MPPED1: variants seen among roughly 807,000 people sequenced by gnomAD.
The protein encoded by MPPED1 is metallophosphoesterase domain containing 1.
In MPPED1, 16 loss-of-function variants were observed where a neutral mutation model predicts 36.2. The ratio of observed to expected loss-of-function variants is 0.44; its 90% CI spans 0.30 to 0.67. The LOEUF is 0.67. Ranked by LOEUF, MPPED1 falls within the 30% of genes least tolerant of loss-of-function variation. The pLI is 0.10. For missense variants in MPPED1, 307 were observed against 453.4 expected (o/e 0.68, Z 2.93); for synonymous variants, 199 against 191.3 (o/e 1.04, Z -0.33).
chr22:43,430,281 A>G (rs1428007504), intron 2 of MPPED1, among the ~76,000 whole-genome samples: 1 of 152,226 alleles, frequency 6.6e-6, no homozygotes, highest in Non-Finnish European at 1.5e-5. Flanking sequence ...GCACTTGCAC[A>G]GAACCAGTGG....
intron 4 of MPPED1, among the ~76,000 whole-genome samples, chr22:43,488,583 G>A (rs1242236778): frequency 6.6e-6 from 1 of 152,224 alleles, no homozygotes; most frequent in Non-Finnish European, 1.5e-5. Flanking sequence ...CTGTTAAGGG[G>A]TTAACCTCTG....
At position 43,506,601 on chromosome 22, in the gene MPPED1, G is replaced by A. The variant is rs970565303; in HGVS notation, c.*985G>A. 1 of 152,248 alleles carries A rather than the reference G, an allele frequency of 6.6e-6. No homozygotes were observed. The highest frequency in any genetic ancestry group is 6.5e-5 in the Admixed American group (1 of 15,290). The allele number at this position is 152,248 out of a possible 1,614,324, so 9.4% of individuals were successfully genotyped here. A position where few individuals can be genotyped will look rare whatever the true frequency, so the allele number is the denominator to read the frequency against. On this transcript the variant is annotated 3_prime_UTR_variant, in exon 7 of 7. Coordinates refer to ENST00000443721, the MANE Select transcript of MPPED1 (RefSeq NM_001044370.2). ...GCTTCCCTTGCACCGTTAGGATTCT[G>A]TCTGGCATGCCTGCAGCCGAGGAAG...
In MPPED1 at chr22:43,507,839, A is replaced by G. The variant is rs1449830612; in HGVS notation, c.*2223A>G. ...GCATGTCAGACAATAAAGTCTTTGT[A>G]AAAAGAGAAGTCCACGCGGCACCTC... On this transcript the variant is annotated 3_prime_UTR_variant, in exon 7 of 7. Transcript: ENST00000443721. The G allele has an allele frequency of 1.4e-5, 2 of 143,538 alleles. No homozygotes were observed. Among genetic ancestry groups the G allele is most frequent in the African/African-American group, 5.2e-5 (2 of 38,700 alleles). 8.9% of individuals were successfully genotyped at this position (143,538 alleles called of 1,614,324 possible).
chr22:43,448,813 A>T (rs1174375394), intron 3 of MPPED1, among the ~76,000 whole-genome samples: 2 of 151,868 alleles, frequency 1.3e-5, no homozygotes, highest in Non-Finnish European at 2.9e-5. Flanking sequence ...ATGTTGGCCA[A>T]GCTGGTCTCG....
chr22:43,495,308 GTGA>G (rs1348179442), intron 4 of MPPED1, among the ~76,000 whole-genome samples: 3 of 147,392 alleles, frequency 2.0e-5, no homozygotes, highest in South Asian at 2.2e-4. Context: ...GGTGATGGTG[GTGA>G]TGGTGGTGGT....
chr22:43,491,960 G>A (rs1403308645), intron 4 of MPPED1, among the ~76,000 whole-genome samples: 1 of 151,448 alleles, frequency 6.6e-6, no homozygotes, highest in Non-Finnish European at 1.5e-5. Context: ...CGGTGGTGAT[G>A]GAGGTGGTGG....
chr22:43,428,736 G>T (rs563961607), intron 2 of MPPED1, among the ~76,000 whole-genome samples: 1 of 152,188 alleles, frequency 6.6e-6, no homozygotes, highest in African/African-American at 2.4e-5. Context: ...TGACGAGGCC[G>T]CCTTTGCTTG....
At chr22:43,432,060 G>A (rs1929705864) in intron 2 of MPPED1, among the ~76,000 whole-genome samples, 1 of 152,204 alleles carries the variant, frequency 6.6e-6, no homozygotes, top group African/African-American at 2.4e-5. Context: ...CCTCTGCTAG[G>A]CGGGGCTCCC....
intron 2 of MPPED1, among the ~76,000 whole-genome samples, chr22:43,427,625 G>A (rs1465247759): frequency 6.6e-6 from 1 of 152,176 alleles, no homozygotes; most frequent in African/African-American, 2.4e-5. Context: ...CATTTGTTGA[G>A]TCATTCATTC....
At chr22:43,500,173 A>AGGTGGTGGTGGTGATGGGGGT (rs1224738200) in intron 5 of MPPED1, among the ~76,000 whole-genome samples, 1 of 21,540 alleles carries the variant, frequency 4.6e-5, no homozygotes, top group Admixed American at 5.0e-4. Context: ...ATGGTGATGG[A>AGGTGGTGGTGGTGATGGGGGT]GGTGGTGGTG....
intron 2 of MPPED1, among the ~76,000 whole-genome samples, chr22:43,431,081 G>A (rs1042770393): frequency 6.7e-5 from 8 of 119,868 alleles, no homozygotes; most frequent in East Asian, 2.6e-4. Context: ...TCACTCTGTC[G>A]CCCAGGCTGG....
At chr22:43,447,875 ATATATATAT>A (rs1414391862) in intron 3 of MPPED1, among the ~76,000 whole-genome samples, 1,705 of 40,092 alleles carry the variant, frequency 0.043, 65 homozygotes, top group African/African-American at 0.12. Context: ...ATATATATAT[ATATATATAT>A]TTTTTTTTTT....
chr22:43,475,553 ATGG>A (rs1287202138), intron 4 of MPPED1, among the ~76,000 whole-genome samples: 6 of 14,898 alleles, frequency 4.0e-4, no homozygotes, highest in East Asian at 3.4e-3. Flanking sequence ...TGTGATGGTG[ATGG>A]TGGTGATGAT....
At chr22:43,495,813 T>C (rs1932302151) in intron 4 of MPPED1, among the ~76,000 whole-genome samples, 1 of 56,198 alleles carries the variant, frequency 1.8e-5, no homozygotes, top group African/African-American at 1.1e-4. Flanking sequence ...GTGGTGGTGG[T>C]GGAGGTGGTG....
chr22:43,502,790 G>C lies in MPPED1; in HGVS notation c.862+33G>C. On this transcript the variant is annotated intron_variant, in intron 6 of 6. Transcript: ENST00000443721. The surrounding 1 kb of genome is among the most constrained non-coding windows in gnomAD (Gnocchi z 5.5). ...CGTAGCGGAGACAGGCACCTCACGG[G>C]CTAGGGGCTCCTAATGGACCCTCCA... is the stretch of plus-strand genomic sequence containing the variant. 4 of 1,582,674 alleles carry C rather than the reference G, an allele frequency of 2.5e-6. No individual in the cohort carries two copies. The highest frequency in any genetic ancestry group is 3.5e-6 in the Non-Finnish European group (4 of 1,152,244).
chr22:43,485,250 A>G (rs1031099081), intron 4 of MPPED1, among the ~76,000 whole-genome samples: 1 of 152,074 alleles, frequency 6.6e-6, no homozygotes, highest in Non-Finnish European at 1.5e-5. Flanking sequence ...TCATACACAC[A>G]TGCATTCACA....
At chr22:43,431,813 G>A (rs1368854006) in intron 2 of MPPED1, among the ~76,000 whole-genome samples, 2 of 152,248 alleles carry the variant, frequency 1.3e-5, no homozygotes. Flanking sequence ...TTGAGCATTT[G>A]TTGCAATCCA....
chr22:43,421,310 A>G (rs929581932), intron 1 of MPPED1, among the ~76,000 whole-genome samples: 1 of 152,344 alleles, frequency 6.6e-6, no homozygotes, highest in South Asian at 2.1e-4. Context: ...TTGCGTTTCC[A>G]GTTTCCCGGA....
At position 43,498,337 on chromosome 22, in the gene MPPED1, T is replaced by C. The variant is rs1932498945; in HGVS notation, c.735T>C (p.His245=). The C allele has an allele frequency of 3.9e-6, 6 of 1,534,332 alleles. No homozygotes were observed. The highest frequency in any genetic ancestry group is 2.0e-5 in the Admixed American group (1 of 50,940). The change falls in exon 5 of 7, where the codon CAT becomes CAC. Residue 245 remains histidine (H), a synonymous_variant. Coordinates refer to ENST00000443721, the MANE Select transcript of MPPED1 (RefSeq NM_001044370.2). ...AAGGCGTAGACATCCTGATAACCCATGGACCACCACTGGGTAAGGCTCTGC... is the reference window on the plus strand; with the variant it reads ...AAGGCGTAGACATCCTGATAACCCACGGACCACCACTGGGTAAGGCTCTGC... The part of the protein sequence containing the change: ...IPEGVDILIT[H]GPPLGFLDWV...
Sources: allele counts gnomAD v4.1 joint callset (sites outside exome capture counted in the v4.1 genomes callset), GRCh38; gene constraint gnomAD v4.1.1; non-coding constraint Gnocchi (gnomAD v3.1); transcripts MANE v1.5; gene names NCBI Gene and HGNC (gene_info 2026-07-23, HGNC 2026-07-21).